ZNF17: variants seen among roughly 807,000 people sequenced by gnomAD.
ZNF17 encodes zinc finger protein 17.
A neutral mutation model predicts 7.7 loss-of-function variants in ZNF17; 4 were observed. The ratio of observed to expected loss-of-function variants is 0.52; its 90% confidence interval spans 0.26 to 1.20. ZNF17 has a LOEUF of 1.20. Among genes scored for constraint, ZNF17 ranks in the 50% most tolerant of loss-of-function variants. The pLI is 0.14. For missense variants in ZNF17, 738 were observed against 799.5 expected, an observed-to-expected ratio of 0.92 and a Z score of 0.93; for synonymous variants, 249 against 258.8, an observed-to-expected ratio of 0.96 and a Z score of 0.36.
chr19:57,416,459 G>C (rs2088811895), intron 2 of ZNF17, among the ~76,000 whole-genome samples: 1 of 152,046 alleles, frequency 6.6e-6, no homozygotes, highest in South Asian at 2.1e-4. Flanking sequence ...GTGACTCTAG[G>C]GAAATTGAGT....
intron 1 of ZNF17, among the ~76,000 whole-genome samples, chr19:57,412,448 A>T (rs55841821): frequency 0.27 from 40,259 of 147,322 alleles, 5,864 homozygotes; most frequent in African/African-American, 0.35. Flanking sequence ...TGTGTAAAAC[A>T]TTTTTTTTTT....
At chr19:57,413,885 C>T (rs1705496622) in intron 2 of ZNF17, among the ~76,000 whole-genome samples, 1 of 152,010 alleles carries the variant, frequency 6.6e-6, no homozygotes, top group South Asian at 2.1e-4. Context: ...TGTTCAAATG[C>T]TTGGTGGTGA....
In ZNF17 at chr19:57,419,883, G is replaced by A. The variant is rs1300308960; in HGVS notation, c.397G>A (p.Gly133Arg). Residue 133 changes from glycine to arginine, a missense_variant, in exon 4 of 4, where the codon GGG (glycine) becomes AGG (arginine). This residue lies in a region of ZNF17 where 616 missense variants were observed against 663.9 expected (regional missense o/e 0.93). Coordinates refer to ENST00000307658, the MANE Select transcript of ZNF17 (RefSeq NM_001330617.2). ...LREKLTRSDE[G>R]RPSFVNDSVH... is the part of the protein sequence containing the mutation. ...AGAGAAGCTCACCAGAAGTGATGAA[G>A]GGAGGCCTTCGTTTGTGAATGACAG... The A allele has an allele frequency of 1.9e-6, 3 of 1,614,084 alleles. No individual in the cohort carries two copies. The highest frequency in any genetic ancestry group is 2.5e-6 in the Non-Finnish European group (3 of 1,180,038).
intron 2 of ZNF17, among the ~76,000 whole-genome samples, chr19:57,415,149 C>T (rs1458224609): frequency 1.3e-5 from 2 of 151,728 alleles, no homozygotes; most frequent in Non-Finnish European, 2.9e-5. Context: ...ACACGAGTGG[C>T]GGCTGTGGAG....
rs565099729 is a variant in ZNF17 at position 57,419,455 on chromosome 19, C to T, written c.149-180C>T. 1.9e-5 allele frequency: 12 copies of T among 625,090 alleles called. No individual in the cohort carries two copies. The Middle Eastern group carries it at 1.4e-3, about 70-fold the overall frequency. 38.7% of individuals were successfully genotyped at this position (625,090 alleles called of 1,614,324 possible). A position where few individuals can be genotyped will look rare whatever the true frequency, so the allele number is the denominator to read the frequency against. On this transcript the variant is annotated intron_variant, in intron 3 of 3. Transcript: ENST00000307658. ...TTGTTCCCCATCATCAGGACTCTTT[C>T]GTTATGGGTTTCTGTCAGTCCCGGT... is the stretch of plus-strand genomic sequence containing the variant.
intron 3 of ZNF17, among the ~76,000 whole-genome samples, 162 bp downstream of exon 3, chr19:57,418,200 A>G (rs1228543093): frequency 6.6e-6 from 1 of 152,092 alleles, no homozygotes; most frequent in Non-Finnish European, 1.5e-5. Context: ...GATCTGTATC[A>G]ATTTTCCTTA....
chr19:57,421,491 A>G lies in ZNF17; in HGVS notation c.*10A>G. ...AGTTCACACCAGATAAAGAATGTATATATAAAGCAGATGGGGAAAGACTTC... is the reference window on the plus strand; with the variant it reads ...AGTTCACACCAGATAAAGAATGTATGTATAAAGCAGATGGGGAAAGACTTC... On this transcript the variant is annotated 3_prime_UTR_variant, in exon 4 of 4. Coordinates refer to ENST00000307658, the MANE Select transcript of ZNF17 (RefSeq NM_001330617.2). 1 of 1,573,582 alleles carries G rather than the reference A, an allele frequency of 6.4e-7. No homozygotes were observed. The highest frequency in any genetic ancestry group is 8.6e-7 in the Non-Finnish European group (1 of 1,160,086).
chr19:57,414,627 G>A (rs1046221163), intron 2 of ZNF17, among the ~76,000 whole-genome samples: 1 of 151,372 alleles, frequency 6.6e-6, no homozygotes, highest in Non-Finnish European at 1.5e-5. Flanking sequence ...GAGCCACCGT[G>A]CCCAGTGGTT....
chr19:57,414,794 T>G (rs1467607451), intron 2 of ZNF17, among the ~76,000 whole-genome samples: 1 of 151,656 alleles, frequency 6.6e-6, no homozygotes, highest in African/African-American at 2.4e-5. Context: ...CACTGCAAGC[T>G]TCGCTTCCTG....
In ZNF17 at chr19:57,411,354, C is replaced by T. The variant is rs199580943; in HGVS notation, c.-73C>T. 54 of 1,610,946 alleles carry T rather than the reference C, an allele frequency of 3.4e-5. No individual in the cohort carries two copies. The highest frequency in any genetic ancestry group is 2.3e-4 in the African/African-American group (17 of 75,036). On this transcript the variant is annotated 5_prime_UTR_variant, in exon 1 of 4. Coordinates refer to ENST00000307658, the MANE Select transcript of ZNF17 (RefSeq NM_001330617.2). ...GCGTCCAGGTCACTGCCGCTCCCGC[C>T]CCGCTCTTCCCTGGCTGTGCTGGCG...
At chr19:57,419,578 T>C (rs2088833493) in intron 3 of ZNF17, 57 bp from the exon 4 acceptor site, 3 of 1,539,908 alleles carry the variant, frequency 1.9e-6, no homozygotes, top group African/African-American at 2.7e-5. Flanking sequence ...ACATTTGTTA[T>C]GGGGCTGCCT....
Position 57,421,607 on chromosome 19 carries a change from A to G in ZNF17, c.*126A>G, listed in dbSNP as rs191752813. 8.3e-4 allele frequency: 923 copies of G among 1,117,566 alleles called. 2 individuals are homozygous for G. The highest frequency in any genetic ancestry group is 1.0e-3 in the Non-Finnish European group (832 of 798,834). The allele number at this position is 1,117,566 out of a possible 1,614,324, so 69.2% of individuals were successfully genotyped here. A position where few individuals can be genotyped will look rare whatever the true frequency, so the allele number is the denominator to read the frequency against. Reference sequence around the variant, plus strand: ...CAGATAACATAAAATCTAACATCTTAACCATGTTAAAGTGTATAGTTCAGT... The same window carrying G: ...CAGATAACATAAAATCTAACATCTTGACCATGTTAAAGTGTATAGTTCAGT... On this transcript the variant is annotated 3_prime_UTR_variant, in exon 4 of 4. Transcript: ENST00000307658.
rs371639193 is a variant in ZNF17, at chr19:57,421,129, G to T, written c.1643G>T (p.Arg548Ile). Residue 548 changes from arginine to isoleucine, a missense_variant, in exon 4 of 4, where the codon AGA becomes ATA. Arg to Ile is a moderately conservative substitution (Grantham distance 97, BLOSUM62 -3). Around this residue, in one of 3 missense-constraint regions of ZNF17, gnomAD observed 616 missense variants for 663.9 expected, o/e 0.93. Coordinates refer to ENST00000307658, the MANE Select transcript of ZNF17 (RefSeq NM_001330617.2). The stretch of plus-strand genomic sequence containing the variant: ...AACTCAAATCATATTAGACATCGGA[G>T]AAATCACTTTGGAGAAAGGTCTTTT... ...RHNSNHIRHR[R>I]NHFGERSFEC... 1.9e-6 allele frequency: 3 copies of T among 1,613,896 alleles called. No homozygotes were observed. The highest frequency in any genetic ancestry group is 2.5e-6 in the Non-Finnish European group (3 of 1,179,724).
chr19:57,412,635 G>A (rs904554742), intron 1 of ZNF17, among the ~76,000 whole-genome samples: 3 of 151,742 alleles, frequency 2.0e-5, no homozygotes, highest in African/African-American at 7.3e-5. Context: ...TAGTAGAGAC[G>A]GGGTTTCACC....
rs1472453393 is a variant in ZNF17 at position 57,421,486 on chromosome 19, T to C, written c.*5T>C. 1 of 1,590,962 alleles carries C rather than the reference T, an allele frequency of 6.3e-7. No homozygotes were observed. The highest frequency in any genetic ancestry group is 2.2e-5 in the East Asian group (1 of 44,666). On this transcript the variant is annotated 3_prime_UTR_variant, in exon 4 of 4. Transcript: ENST00000307658. The stretch of plus-strand genomic sequence containing the variant: ...CAGAAAGTTCACACCAGATAAAGAA[T>C]GTATATATAAAGCAGATGGGGAAAG...
rs374105919 is a variant in ZNF17 at position 57,420,697 on chromosome 19, T to C, written c.1211T>C (p.Ile404Thr). 2.1e-4 allele frequency: 332 copies of C among 1,613,964 alleles called. 4 individuals are homozygous for C. The South Asian group carries it at 3.4e-3, about 17-fold the overall frequency. Residue 404 changes from isoleucine (I) to threonine (T), a missense_variant, in exon 4 of 4, where the codon ATT becomes ACT. Coordinates refer to ENST00000307658, the MANE Select transcript of ZNF17 (RefSeq NM_001330617.2). The stretch of plus-strand genomic sequence containing the variant: ...TTCTTTAGATACCGTTCCACACTCA[T>C]TAGACATCAGAAAGTTCACACTGGA... ...GKFFRYRSTLIRHQKVHTGEK... is the reference protein window; with the variant it reads ...GKFFRYRSTLTRHQKVHTGEK...
rs78459372 is a variant in ZNF17 at position 57,421,383 on chromosome 19, A to G, written c.1897A>G (p.Ile633Val). 1.5e-4 allele frequency: 247 copies of G among 1,613,914 alleles called. 2 individuals are homozygous for G. The African/African-American group carries it at 2.9e-3, about 19-fold the overall frequency. ...YNSSLIKHRR[I>V]HTGERPYQCS... ...CTCCAGCCTCATTAAACATCGGAGAATTCACACTGGAGAGAGACCTTATCA... is the reference window on the plus strand; with the variant it reads ...CTCCAGCCTCATTAAACATCGGAGAGTTCACACTGGAGAGAGACCTTATCA... Residue 633 changes from isoleucine (I) to valine (V), a missense_variant, in exon 4 of 4, where the codon ATT becomes GTT. Around this residue, in one of 3 missense-constraint regions of ZNF17, gnomAD observed 116 missense variants for 114.0 expected, o/e 1.02. Coordinates refer to ENST00000307658, the MANE Select transcript of ZNF17 (RefSeq NM_001330617.2).
At position 57,420,496 on chromosome 19, in the gene ZNF17, G is replaced by A; in HGVS notation, c.1010G>A (p.Cys337Tyr). 1 of 1,614,214 alleles carries A rather than the reference G, an allele frequency of 6.2e-7. No homozygotes were observed. Among genetic ancestry groups the A allele is most frequent in the Non-Finnish European group, 8.5e-7 (1 of 1,180,046 alleles). ...GAACGGCCTTATGGATGCAATGAAT[G>A]TGGGAAATACTTTATGTACAGTTCA... ...TGERPYGCNE[C>Y]GKYFMYSSAL... is the part of the protein sequence containing the mutation. Residue 337 changes from cysteine (C) to tyrosine (Y), a missense_variant, in exon 4 of 4, where the codon TGT (cysteine) becomes TAT (tyrosine). Transcript: ENST00000307658.
At chr19:57,412,669 C>A (rs2088785734) in intron 1 of ZNF17, among the ~76,000 whole-genome samples, 1 of 152,074 alleles carries the variant, frequency 6.6e-6, no homozygotes, top group Non-Finnish European at 1.5e-5. Context: ...TGGTCTCTAT[C>A]TCCTGACCTC....
Sources: gnomAD v4.1 joint callset for allele counts (sites outside exome capture counted in the v4.1 genomes callset) on GRCh38, gnomAD v4.1.1 for gene constraint, gnomAD v4.1.1 regional missense constraint, MANE v1.5 for transcripts, NCBI Gene and HGNC (gene_info 2026-07-23, HGNC 2026-07-21) for gene names.